DOCK4: variants seen among roughly 807,000 people sequenced by gnomAD.
The protein encoded by DOCK4 is dedicator of cytokinesis 4.
A neutral mutation model predicts 268.1 loss-of-function variants in DOCK4; 97 were observed. The observed-to-expected ratio is 0.36, with a 90% CI of 0.31 to 0.43. The LOEUF is 0.43. Among genes scored for constraint, DOCK4 ranks in the 20% least tolerant of loss-of-function variants. The pLI is 1.00. For missense variants in DOCK4, 2,145 were observed against 2,455.7 expected (o/e 0.87, Z 2.67); for synonymous variants, 954 against 887.2 (o/e 1.08, Z -1.34).
At chr7:111,833,541 C>CAA (rs111895639) in intron 26 of DOCK4, among the ~76,000 whole-genome samples, 4 of 138,444 alleles carry the variant, frequency 2.9e-5, no homozygotes, top group African/African-American at 1.0e-4. Context: ...AACCCTGCCT[C>CAA]AAAAAAAAAA....
intron 39 of DOCK4, among the ~76,000 whole-genome samples, chr7:111,761,062 CTTT>C (rs34238929): frequency 5.0e-4 from 71 of 140,988 alleles, no homozygotes; most frequent in African/African-American, 7.5e-4. Context: ...GGCTTAAAGT[CTTT>C]TTTTTTTTTT....
chr7:111,917,293 T>C (rs1013687648), intron 12 of DOCK4, among the ~76,000 whole-genome samples: 5 of 152,064 alleles, frequency 3.3e-5, no homozygotes, highest in East Asian at 1.9e-4. Context: ...GCCTCTATGC[T>C]TTAAAATAAG....
At chr7:112,137,932 G>A (rs1814515894) in intron 1 of DOCK4, among the ~76,000 whole-genome samples, 1 of 152,188 alleles carries the variant, frequency 6.6e-6, no homozygotes, top group African/African-American at 2.4e-5. Flanking sequence ...TAAAGTATTT[G>A]CATAGTGCTT....
In DOCK4 at chr7:111,758,608, A is replaced by G; in HGVS notation, c.4329+16T>C. 3 of 1,613,080 alleles carry G rather than the reference A, an allele frequency of 1.9e-6. No individual in the cohort carries two copies. The highest frequency in any genetic ancestry group is 2.5e-6 in the Non-Finnish European group (3 of 1,179,430). On this transcript the variant is annotated intron_variant, in intron 41 of 52. Transcript: ENST00000428084. ...TCTATCTGAGGAGTTAGCATGTAAT[A>G]AGAATTGCATGGTACCTTGAATTCA...
At chr7:112,163,628 C>T (rs1164531351) in intron 1 of DOCK4, among the ~76,000 whole-genome samples, 6 of 152,108 alleles carry the variant, frequency 3.9e-5, no homozygotes, top group African/African-American at 1.2e-4. Context: ...ATAGGCAAGG[C>T]AGATACTCTT....
intron 3 of DOCK4, 74 bp downstream of exon 3, chr7:112,000,420 G>A (rs940996334): frequency 9.0e-5 from 90 of 1,001,144 alleles, no homozygotes; most frequent in Non-Finnish European, 1.2e-5. Flanking sequence ...AATTTCAATT[G>A]TATAAAGAAA....
intron 36 of DOCK4, among the ~76,000 whole-genome samples, chr7:111,774,026 G>T (rs1451021865): frequency 1.3e-5 from 2 of 151,132 alleles, no homozygotes; most frequent in Non-Finnish European, 3.0e-5. Flanking sequence ...CAAAAAAAAA[G>T]AAAAGAAAAG....
chr7:111,972,777 T>C (rs1175396497), intron 8 of DOCK4, among the ~76,000 whole-genome samples: 3 of 152,256 alleles, frequency 2.0e-5, no homozygotes, highest in African/African-American at 7.2e-5. Context: ...TTAACACTTA[T>C]CATATGTTTT....
intron 1 of DOCK4, among the ~76,000 whole-genome samples, chr7:112,205,546 G>GCTTGT (rs1821328752): frequency 6.6e-6 from 1 of 152,138 alleles, no homozygotes; most frequent in Non-Finnish European, 1.5e-5. Context: ...AGAGGGCTCA[G>GCTTGT]CTTGTCAGAG....
chr7:111,758,929 CAAG>C, intron 40 of DOCK4, 139 bp from the exon 41 acceptor site: 1 of 754,498 alleles, frequency 1.3e-6, no homozygotes, highest in Non-Finnish European at 2.1e-6. Context: ...AAAAAATTAC[CAAG>C]AAGACGCCAG....
intron 30 of DOCK4, among the ~76,000 whole-genome samples, chr7:111,791,443 T>C (rs562602989): frequency 1.3e-5 from 2 of 150,842 alleles, no homozygotes; most frequent in Non-Finnish European, 3.0e-5. Flanking sequence ...TTTTCTCGAG[T>C]GTCTGTTTTT....
chr7:111,841,271 T>G (rs1803672243), intron 25 of DOCK4, among the ~76,000 whole-genome samples: 1 of 151,970 alleles, frequency 6.6e-6, no homozygotes, highest in Admixed American at 6.5e-5. Context: ...TTCAAGCCAT[T>G]TTTGGGCCTC....
intron 1 of DOCK4, among the ~76,000 whole-genome samples, chr7:112,137,439 T>C (rs947274871): frequency 2.6e-5 from 4 of 152,046 alleles, no homozygotes; most frequent in African/African-American, 9.7e-5. Context: ...CCTTGTAGTT[T>C]GGTCCTTTGG....
chr7:112,036,967 G>A (rs1176369057), intron 1 of DOCK4, among the ~76,000 whole-genome samples: 1 of 152,066 alleles, frequency 6.6e-6, no homozygotes, highest in East Asian at 1.9e-4. Context: ...TGCCTGACAG[G>A]ATTTAACTTT....
intron 16 of DOCK4, among the ~76,000 whole-genome samples, chr7:111,893,247 C>T (rs1808437984): frequency 6.6e-6 from 1 of 152,182 alleles, no homozygotes; most frequent in African/African-American, 2.4e-5. Flanking sequence ...GCTCTGCTAC[C>T]TGTCCTCTGG....
At chr7:112,058,589 T>C (rs540258007) in intron 1 of DOCK4, among the ~76,000 whole-genome samples, 1 of 152,228 alleles carries the variant, frequency 6.6e-6, no homozygotes, top group African/African-American at 2.4e-5. Flanking sequence ...AAATATTAAG[T>C]CCCTTGAGCA....
At chr7:111,828,884 GTGTGTA>G (rs1398951414) in intron 26 of DOCK4, among the ~76,000 whole-genome samples, 2 of 124,216 alleles carry the variant, frequency 1.6e-5, no homozygotes, top group Admixed American at 7.4e-5. Context: ...GTGTGTGTGT[GTGTGTA>G]TATATATATA....
At chr7:112,058,101 C>T (rs115556343) in intron 1 of DOCK4, among the ~76,000 whole-genome samples, 1,582 of 131,450 alleles carry the variant, frequency 0.012, 22 homozygotes, top group African/African-American at 0.042. Flanking sequence ...GGTGTAAAGT[C>T]AAAATGTTTG....
At chr7:111,910,457 A>G (rs1792000550) in intron 13 of DOCK4, among the ~76,000 whole-genome samples, 1 of 152,242 alleles carries the variant, frequency 6.6e-6, no homozygotes, top group South Asian at 2.1e-4. Flanking sequence ...CATGTACGAT[A>G]CTTGCCAGCT....
Sources: allele counts gnomAD v4.1 joint callset (sites outside exome capture counted in the v4.1 genomes callset), GRCh38; gene constraint gnomAD v4.1.1; transcripts MANE v1.5; gene names NCBI Gene and HGNC (gene_info 2026-07-23, HGNC 2026-07-21).